NPFFR2: variants seen among roughly 807,000 people sequenced by gnomAD.
NPFFR2 encodes G-protein coupled receptor 74.
In NPFFR2, 15 loss-of-function variants were observed where a neutral mutation model predicts 13.1. The ratio of observed to expected loss-of-function variants is 1.15; its 90% CI spans 0.77 to 1.76. NPFFR2 has a LOEUF of 1.76. NPFFR2 is among the 40% of genes most tolerant of loss of function. NPFFR2 has a pLI of 0.00. For missense variants in NPFFR2, 572 were observed against 503.5 expected (o/e 1.14, Z -1.30); for synonymous variants, 190 against 175.7 (o/e 1.08, Z -0.65).
intron 1 of NPFFR2, among the ~76,000 whole-genome samples, chr4:72,087,766 A>G (rs1228886789): frequency 6.6e-6 from 1 of 152,074 alleles, no homozygotes; most frequent in Admixed American, 6.6e-5. Context: ...AAGGGACTGG[A>G]GAGTGTGAGA....
At chr4:72,089,452 A>T (rs1300877148) in intron 1 of NPFFR2, among the ~76,000 whole-genome samples, 1 of 152,172 alleles carries the variant, frequency 6.6e-6, no homozygotes, top group Non-Finnish European at 1.5e-5. Flanking sequence ...ACAGTGTTAA[A>T]GTGTTCCCTT....
chr4:72,041,979 CTTTAGT>C (rs1184169934), intron 1 of NPFFR2, among the ~76,000 whole-genome samples: 1 of 152,136 alleles, frequency 6.6e-6, no homozygotes, highest in Non-Finnish European at 1.5e-5. Flanking sequence ...TGCAGAAGCT[CTTTAGT>C]TTAACTAGAG....
intron 2 of NPFFR2, among the ~76,000 whole-genome samples, chr4:72,135,093 A>G (rs1204800231): frequency 1.3e-5 from 2 of 152,128 alleles, no homozygotes; most frequent in African/African-American, 4.8e-5. Context: ...CTCTATTGCT[A>G]CTGCTATAAA....
chr4:72,093,003 A>T (rs1720956868), intron 1 of NPFFR2, among the ~76,000 whole-genome samples: 2 of 152,156 alleles, frequency 1.3e-5, no homozygotes, highest in African/African-American at 4.8e-5. Context: ...AGCTCCTTTT[A>T]ACATTTTTTA....
intron 1 of NPFFR2, among the ~76,000 whole-genome samples, chr4:72,108,169 TA>T: frequency 6.6e-6 from 1 of 152,020 alleles, no homozygotes. Flanking sequence ...GTTCAGTCTA[TA>T]AAATATCTCT....
At chr4:72,052,780 A>G (rs1719626954) in intron 1 of NPFFR2, among the ~76,000 whole-genome samples, 3 of 151,976 alleles carry the variant, frequency 2.0e-5, no homozygotes, top group African/African-American at 7.2e-5. Flanking sequence ...TTTACAATCT[A>G]TTCTCTTTGA....
chr4:72,139,077 T>C lies in NPFFR2; in HGVS notation c.428+938T>C, dbSNP rs28790569. Among the ~76,000 whole-genome samples the C allele has an allele frequency of 8.4e-3, 1,275 of 151,428 alleles. 8 individuals carry two copies. The highest frequency in any genetic ancestry group is 0.019 in the African/African-American group (765 of 40,800). Reference sequence around the variant, plus strand: ...AATGTCTTCTTTTGAGAGGTGTCTGTTCATATACTTTGCCCACTTTTTGAT... The same window carrying C: ...AATGTCTTCTTTTGAGAGGTGTCTGCTCATATACTTTGCCCACTTTTTGAT... On this transcript the variant is annotated intron_variant, in intron 3 of 3. Coordinates refer to ENST00000308744, the MANE Select transcript of NPFFR2 (RefSeq NM_004885.3).
chr4:72,138,948 A>T (rs1176669615), intron 3 of NPFFR2, among the ~76,000 whole-genome samples: 2 of 151,894 alleles, frequency 1.3e-5, no homozygotes, highest in African/African-American at 4.8e-5. Context: ...TTTAATGATG[A>T]CCTTTCTAAC....
chr4:72,137,482 G>T (rs1235817811), intron 2 of NPFFR2, among the ~76,000 whole-genome samples: 1 of 151,874 alleles, frequency 6.6e-6, no homozygotes, highest in Admixed American at 6.6e-5. Flanking sequence ...TGTGTCTCTG[G>T]GGTTAATTGT....
At chr4:72,049,886 C>T (rs900279113) in intron 1 of NPFFR2, among the ~76,000 whole-genome samples, 1 of 151,926 alleles carries the variant, frequency 6.6e-6, no homozygotes, top group East Asian at 1.9e-4. Context: ...GAAAGAATAA[C>T]CTTTTGCTAG....
intron 2 of NPFFR2, among the ~76,000 whole-genome samples, chr4:72,131,740 A>C (rs28896893): frequency 0.044 from 6,671 of 152,286 alleles, 405 homozygotes; most frequent in African/African-American, 0.14. Context: ...ATTATAAAAA[A>C]GCATGGAAAT....
chr4:72,117,422 T>C (rs1404687077), intron 1 of NPFFR2, among the ~76,000 whole-genome samples: 1 of 152,226 alleles, frequency 6.6e-6, no homozygotes, highest in Non-Finnish European at 1.5e-5. Flanking sequence ...CTTTAGAGTT[T>C]GCCAGTTCTC....
intron 3 of NPFFR2, among the ~76,000 whole-genome samples, chr4:72,140,472 C>T (rs889450661): frequency 2.6e-5 from 4 of 151,998 alleles, no homozygotes; most frequent in Non-Finnish European, 4.4e-5. Context: ...GCATGAAGGG[C>T]TGTTGAATTT....
At chr4:72,069,441 A>G (rs1720179891) in intron 1 of NPFFR2, among the ~76,000 whole-genome samples, 1 of 152,158 alleles carries the variant, frequency 6.6e-6, no homozygotes. Context: ...AAAAACTTTT[A>G]AGTATAAAAC....
chr4:72,054,428 C>T (rs1254120524), intron 1 of NPFFR2, among the ~76,000 whole-genome samples: 2 of 151,740 alleles, frequency 1.3e-5, no homozygotes, highest in East Asian at 3.9e-4. Context: ...CCAAATATTC[C>T]TATAAAAAAT....
At chr4:72,044,481 C>T (rs1460881833) in intron 1 of NPFFR2, among the ~76,000 whole-genome samples, 4 of 152,088 alleles carry the variant, frequency 2.6e-5, no homozygotes, top group Admixed American at 2.0e-4. Context: ...GAACATGGAA[C>T]GTTTTTCTAC....
rs150609356 is a variant in NPFFR2 at position 72,085,369 on chromosome 4, C to T, written c.-7-43216C>T. 6.2e-3 allele frequency among the ~76,000 whole-genome samples: 939 copies of T among 152,206 alleles called. 9 individuals carry two copies. Among genetic ancestry groups the T allele is most frequent in the African/African-American group, 0.021 (862 of 41,546 alleles). On this transcript the variant is annotated intron_variant, in intron 1 of 3. Transcript: ENST00000308744. ...AGAAAGTCTTTTGAGACAAAGGGCT[C>T]GTAACTTGGATTCTTGTTTTTTATA...
Position 72,147,095 on chromosome 4 carries a change from A to T in NPFFR2, c.546A>T (p.Leu182Phe), listed in dbSNP as rs368051849. 3 of 1,614,002 alleles carry T rather than the reference A, an allele frequency of 1.9e-6. No individual in the cohort carries two copies. Among genetic ancestry groups the T allele is most frequent in the African/African-American group, 1.3e-5 (1 of 75,030 alleles). The change falls in exon 4 of 4, where the codon TTA (leucine) becomes TTT (phenylalanine). Residue 182 changes from leucine to phenylalanine, a missense_variant. Physicochemically the swap from Leu to Phe is conservative, Grantham distance 22. Transcript: ENST00000308744. ...ITIMSPSAVM[L>F]HVQEEKYYRV... ...TTATGTCTCCATCTGCAGTAATGTTACATGTGCAAGAAGAAAAATATTACC... is the reference window on the plus strand; with the variant it reads ...TTATGTCTCCATCTGCAGTAATGTTTCATGTGCAAGAAGAAAAATATTACC...
At chr4:72,071,276 T>C (rs1396308405) in intron 1 of NPFFR2, among the ~76,000 whole-genome samples, 3 of 152,124 alleles carry the variant, frequency 2.0e-5, no homozygotes, top group African/African-American at 7.2e-5. Context: ...GCTGAGACTA[T>C]GAATTCATGG....
Sources: allele counts gnomAD v4.1 joint callset (sites outside exome capture counted in the v4.1 genomes callset), GRCh38; gene constraint gnomAD v4.1.1; transcripts MANE v1.5; gene names NCBI Gene and HGNC (gene_info 2026-07-23, HGNC 2026-07-21).